LIMS4: variants seen among roughly 807,000 people sequenced by gnomAD.
LIMS4 encodes the protein LIM and senescent cell antigen-like-containing domain protein 4.
the LIMS4 span, chr2:110,360,602 G>C: frequency 9.6e-7 from 1 of 1,045,778 alleles, no homozygotes; most frequent in Non-Finnish European, 1.4e-6. Context: ...TGGAGCGTCT[G>C]TGGCTATTTC....
chr2:110,424,245 A>C, the LIMS4 span: 1 of 24,030 alleles, frequency 4.2e-5, no homozygotes, highest in Non-Finnish European at 8.6e-5. Context: ...CCCCCAGGAG[A>C]GCGTAGTGTG....
chr2:110,443,055 T>TCTC (rs1688169642), downstream of LIMS4, among the ~76,000 whole-genome samples: 1 of 123,156 alleles, frequency 8.1e-6, no homozygotes, highest in Non-Finnish European at 1.6e-5. Flanking sequence ...TGCTTTTTTT[T>TCTC]TTCTTTTTCT....
the LIMS4 span, among the ~76,000 whole-genome samples, chr2:110,422,499 T>C: frequency 4.1e-4 from 50 of 122,784 alleles, no homozygotes; most frequent in Non-Finnish European, 5.9e-4. Flanking sequence ...TTTTTTTTTT[T>C]AGATGGGGTC....
At chr2:110,361,004 T>C in the LIMS4 span, 2 of 1,579,702 alleles carry the variant, frequency 1.3e-6, no homozygotes, top group Admixed American at 1.7e-5. Context: ...CTTAAAAACA[T>C]TGATTTCCAG....
At chr2:110,392,211 G>T in the LIMS4 span, among the ~76,000 whole-genome samples, 1 of 151,674 alleles carries the variant, frequency 6.6e-6, no homozygotes, top group African/African-American at 2.4e-5. Context: ...AGGATGGGAG[G>T]GAAACTGTGC....
the LIMS4 span, among the ~76,000 whole-genome samples, chr2:110,367,435 A>G: frequency 4.2e-5 from 6 of 143,682 alleles, 1 homozygote; most frequent in African/African-American, 8.6e-5. Context: ...CACGTCTACA[A>G]CTAACTGATC....
chr2:110,373,779 G>A, the LIMS4 span, among the ~76,000 whole-genome samples: 1 of 149,114 alleles, frequency 6.7e-6, no homozygotes, highest in East Asian at 1.9e-4. Flanking sequence ...CCTGTGGTGG[G>A]TGATGTCTAC....
At chr2:110,397,312 A>G in the LIMS4 span, 22 of 143,070 alleles carry the variant, frequency 1.5e-4, 1 homozygote, top group African/African-American at 5.1e-4. Context: ...TATAGTAGCT[A>G]ATTTACTATT....
chr2:110,425,120 C>T, the LIMS4 span, among the ~76,000 whole-genome samples: 2 of 142,348 alleles, frequency 1.4e-5, no homozygotes, highest in Admixed American at 6.9e-5. Context: ...TGGCTTCATT[C>T]TCGAAGACCA....
chr2:110,386,955 G>A, the LIMS4 span: 13 of 676,610 alleles, frequency 1.9e-5, no homozygotes, highest in Non-Finnish European at 1.6e-5. Context: ...ACTAGGGTCA[G>A]GGACCCCCCT....
chr2:110,366,169 G>C, the LIMS4 span, among the ~76,000 whole-genome samples: 1 of 150,288 alleles, frequency 6.7e-6, no homozygotes, highest in African/African-American at 2.5e-5. Context: ...TTGAGGACCA[G>C]AGACTCCTCA....
chr2:110,390,360 T>C, the LIMS4 span, among the ~76,000 whole-genome samples: 1 of 131,826 alleles, frequency 7.6e-6, no homozygotes, highest in Non-Finnish European at 1.6e-5. Flanking sequence ...TCCCTGGATG[T>C]GGTGAGGAGG....
the LIMS4 span, among the ~76,000 whole-genome samples, chr2:110,373,809 C>T: frequency 1.3e-5 from 2 of 148,256 alleles, no homozygotes; most frequent in South Asian, 2.1e-4. Context: ...CTTTGTGCTC[C>T]CAGCCAACTG....
the LIMS4 span, among the ~76,000 whole-genome samples, chr2:110,425,018 G>A: frequency 8.8e-4 from 126 of 143,634 alleles, 9 homozygotes; most frequent in Non-Finnish European, 1.4e-3. Context: ...TCAGCTTTGC[G>A]GAAGCTTTAT....
the LIMS4 span, among the ~76,000 whole-genome samples, chr2:110,371,897 C>T: frequency 2.7e-5 from 4 of 150,718 alleles, no homozygotes; most frequent in Non-Finnish European, 5.9e-5. Flanking sequence ...CTTCTGGCTG[C>T]CTAAGCAGGT....
At chr2:110,397,429 C>A in the LIMS4 span, 1 of 145,490 alleles carries the variant, frequency 6.9e-6, no homozygotes, top group Non-Finnish European at 1.5e-5. Flanking sequence ...TGCTGTACAC[C>A]ATGGCCAGAA....
chr2:110,424,675 C>T, the LIMS4 span, among the ~76,000 whole-genome samples: 3 of 144,190 alleles, frequency 2.1e-5, no homozygotes, highest in African/African-American at 5.6e-5. Context: ...TGGCTCATGC[C>T]TGTAATCCCA....
chr2:110,386,752 G>A, the LIMS4 span: 2 of 777,458 alleles, frequency 2.6e-6, no homozygotes, highest in Non-Finnish European at 2.2e-6. Context: ...AGCACAGAGG[G>A]TCCAGGGCCC....
At chr2:110,425,016 G>C in the LIMS4 span, among the ~76,000 whole-genome samples, 20 of 143,666 alleles carry the variant, frequency 1.4e-4, 3 homozygotes, top group Middle Eastern at 0.014. Flanking sequence ...GGTCAGCTTT[G>C]CGGAAGCTTT....
Sources: allele counts gnomAD v4.1 joint callset (sites outside exome capture counted in the v4.1 genomes callset), GRCh38; gene constraint gnomAD v4.1.1; transcripts MANE v1.5; gene names NCBI Gene and HGNC (gene_info 2026-07-23, HGNC 2026-07-21).